TENM3: variants seen among roughly 807,000 people sequenced by gnomAD.
TENM3 encodes the protein teneurin-3.
TENM3 carries 63 observed loss-of-function variants against 255.1 expected under a neutral mutation model. The ratio of observed to expected loss-of-function variants is 0.25; its 90% CI spans 0.20 to 0.30. The LOEUF is 0.30. TENM3 is among the 10% of genes least tolerant of loss of function. TENM3 has a pLI of 1.00. For synonymous variants in TENM3, 1,306 were observed against 1,322.3 expected (o/e 0.99, Z 0.27); for missense variants, 2,929 against 3,461.1 (o/e 0.85, Z 3.86).
the TENM3 span, among the ~76,000 whole-genome samples, chr4:181,718,266 T>C: frequency 6.6e-6 from 1 of 152,204 alleles, no homozygotes; most frequent in Non-Finnish European, 1.5e-5. Context: ...TGGATCTTTT[T>C]CTCCTCGGCA....
the TENM3 span, among the ~76,000 whole-genome samples, chr4:181,826,507 A>G: frequency 6.6e-6 from 1 of 152,200 alleles, no homozygotes; most frequent in Non-Finnish European, 1.5e-5. Flanking sequence ...ATCTCATGTC[A>G]GTCAATCTCT....
intron 10 of TENM3, 90 bp downstream of exon 10, chr4:182,680,827 A>G: frequency 3.9e-6 from 4 of 1,023,166 alleles, no homozygotes; most frequent in Non-Finnish European, 4.0e-6. Flanking sequence ...GATCTCTTTT[A>G]TACGCTTCCT....
chr4:182,237,201 G>A (rs751811701), intron 1 of TENM3, among the ~76,000 whole-genome samples: 35 of 152,050 alleles, frequency 2.3e-4, no homozygotes, highest in Non-Finnish European at 4.4e-4. Flanking sequence ...TTATGGGTGC[G>A]TAGTATTCCA....
At chr4:182,248,504 G>C (rs1757794423) in intron 1 of TENM3, among the ~76,000 whole-genome samples, 1 of 152,088 alleles carries the variant, frequency 6.6e-6, no homozygotes, top group African/African-American at 2.4e-5. Flanking sequence ...ATGACATGTG[G>C]TATTTTTGTT....
At chr4:181,895,509 C>T in the TENM3 span, among the ~76,000 whole-genome samples, 2 of 128,942 alleles carry the variant, frequency 1.6e-5, no homozygotes, top group African/African-American at 5.6e-5. Flanking sequence ...TCCATCTTTT[C>T]TGTGCAACTT....
chr4:181,937,489 G>A, the TENM3 span, among the ~76,000 whole-genome samples: 1 of 152,334 alleles, frequency 6.6e-6, no homozygotes, highest in African/African-American at 2.4e-5. Context: ...TGAAGTGGGA[G>A]AATTCTACAT....
At chr4:181,747,337 TGTTTAAAATG>T in the TENM3 span, among the ~76,000 whole-genome samples, 1 of 152,132 alleles carries the variant, frequency 6.6e-6, no homozygotes, top group East Asian at 1.9e-4. Flanking sequence ...TTTTTTGTAC[TGTTTAAAATG>T]AAATCGAAGT....
chr4:181,652,207 G>A, the TENM3 span, among the ~76,000 whole-genome samples: 1 of 150,788 alleles, frequency 6.6e-6, no homozygotes, highest in South Asian at 2.1e-4. Flanking sequence ...CATGGTTGAA[G>A]GCAGCCCATA....
At chr4:181,947,647 A>G in the TENM3 span, among the ~76,000 whole-genome samples, 2 of 152,192 alleles carry the variant, frequency 1.3e-5, no homozygotes, top group African/African-American at 4.8e-5. Flanking sequence ...AATAAAATAG[A>G]AAATAATGAG....
intron 3 of TENM3, among the ~76,000 whole-genome samples, chr4:182,536,025 T>C (rs1338901839): frequency 6.6e-6 from 1 of 152,192 alleles, no homozygotes; most frequent in African/African-American, 2.4e-5. Context: ...CAATGAAGAA[T>C]TCCGTCCAAT....
At chr4:182,747,045 A>C (rs1762057438) in intron 19 of TENM3, among the ~76,000 whole-genome samples, 1 of 152,316 alleles carries the variant, frequency 6.6e-6, no homozygotes, top group African/African-American at 2.4e-5. Context: ...CCTGGTTAAT[A>C]AGATCCTTCC....
chr4:182,378,332 A>G (rs2150903306), intron 3 of TENM3, among the ~76,000 whole-genome samples: 1 of 152,378 alleles, frequency 6.6e-6, no homozygotes, highest in African/African-American at 2.4e-5. Flanking sequence ...ACAAGTCTAG[A>G]GGGAAAGACA....
chr4:181,826,270 GC>G, the TENM3 span, among the ~76,000 whole-genome samples: 1 of 152,000 alleles, frequency 6.6e-6, no homozygotes, highest in African/African-American at 2.4e-5. Context: ...AAAAAAATAA[GC>G]CGGAGAAAAA....
the TENM3 span, among the ~76,000 whole-genome samples, chr4:181,863,739 G>C: frequency 6.6e-6 from 1 of 152,102 alleles, no homozygotes; most frequent in Admixed American, 6.5e-5. Flanking sequence ...TCTCTTTATG[G>C]AAGTTAGCCT....
chr4:182,118,705 C>G, the TENM3 span, among the ~76,000 whole-genome samples: 1 of 152,102 alleles, frequency 6.6e-6, no homozygotes, highest in Non-Finnish European at 1.5e-5. Flanking sequence ...TTTTCTGCAT[C>G]TATGAAAATG....
At chr4:181,516,997 AC>A in the TENM3 span, among the ~76,000 whole-genome samples, 1 of 151,864 alleles carries the variant, frequency 6.6e-6, no homozygotes. Context: ...CTCAAACACT[AC>A]CCTCTTTTGT....
At chr4:182,746,774 C>T (rs890554902) in intron 19 of TENM3, among the ~76,000 whole-genome samples, 11 of 151,956 alleles carry the variant, frequency 7.2e-5, no homozygotes, top group Non-Finnish European at 8.8e-5. Flanking sequence ...ATAAAATAAA[C>T]GGAAGGAGAG....
chr4:181,996,178 T>A, the TENM3 span, among the ~76,000 whole-genome samples: 9 of 118,816 alleles, frequency 7.6e-5, no homozygotes, highest in Non-Finnish European at 1.3e-4. Flanking sequence ...AAAAAAAAAA[T>A]TACCTTCAAG....
chr4:182,185,951 T>C (rs1753122879), intron 1 of TENM3, among the ~76,000 whole-genome samples: 1 of 152,194 alleles, frequency 6.6e-6, no homozygotes, highest in Non-Finnish European at 1.5e-5. Flanking sequence ...CATTTACCAA[T>C]ACATTAGATT....
Sources: allele counts gnomAD v4.1 joint callset (sites outside exome capture counted in the v4.1 genomes callset), GRCh38; gene constraint gnomAD v4.1.1; transcripts MANE v1.5; gene names NCBI Gene and HGNC (gene_info 2026-07-23, HGNC 2026-07-21).